SLC25A31: variants seen among roughly 807,000 people sequenced by gnomAD.
The protein encoded by SLC25A31 is ADP/ATP translocase 4.
SLC25A31 carries 40 observed loss-of-function variants against 36.2 expected under a neutral mutation model. That is an observed-to-expected ratio of 1.10 (90% CI 0.86 to 1.44). The LOEUF (loss-of-function observed/expected upper bound fraction) is 1.44, where lower values mean the gene tolerates loss of function less well. Ranked by LOEUF, SLC25A31 falls within the 40% of genes most tolerant of loss-of-function variation. The pLI, the probability that SLC25A31 is intolerant of heterozygous loss-of-function variation, is 0.00. For missense variants in SLC25A31, 350 were observed against 397.1 expected (o/e 0.88, Z 1.01); for synonymous variants, 143 against 149.7 (o/e 0.96, Z 0.32).
At chr4:127,767,450 T>G (rs570976236) in intron 4 of SLC25A31, among the ~76,000 whole-genome samples, 54 of 152,316 alleles carry the variant, frequency 3.5e-4, no homozygotes, top group African/African-American at 1.2e-3. Context: ...TTTTGAGGTG[T>G]TTTCACTGTA....
chr4:127,748,563 A>T (rs1043272934), intron 2 of SLC25A31, among the ~76,000 whole-genome samples: 1 of 152,192 alleles, frequency 6.6e-6, no homozygotes, highest in Non-Finnish European at 1.5e-5. Context: ...GCAGGCCCTC[A>T]TCCTGGCACC....
chr4:127,768,672 T>C (rs1732292163), intron 4 of SLC25A31, 80 bp from the exon 5 acceptor site: 1 of 1,241,116 alleles, frequency 8.1e-7, no homozygotes, highest in Non-Finnish European at 1.1e-6. Flanking sequence ...TTCATATATT[T>C]ATAAAAATTA....
At position 127,767,085 on chromosome 4, in the gene SLC25A31, C is replaced by T; in HGVS notation, c.498C>T (p.Phe166=). The T allele has an allele frequency of 6.2e-6, 10 of 1,610,500 alleles. No individual in the cohort carries two copies. The highest frequency in any genetic ancestry group is 8.5e-6 in the Non-Finnish European group (10 of 1,178,710). ...DIGKGPEERQ[F]KGLGDCIMKI... is the part of the protein sequence containing the mutation. ...TTTTAGGTCCTGAGGAGCGACAATT[C>T]AAGGGTTTAGGTGACTGTATTATGA... Residue 166 remains phenylalanine (F), a synonymous_variant, in exon 4 of 6, where the codon TTC becomes TTT. Coordinates refer to ENST00000281154, the MANE Select transcript of SLC25A31 (RefSeq NM_031291.4).
chr4:127,744,378 A>G (rs1006468981), intron 1 of SLC25A31, among the ~76,000 whole-genome samples: 3 of 152,210 alleles, frequency 2.0e-5, no homozygotes, highest in Non-Finnish European at 4.4e-5. Flanking sequence ...CCTCTGAGAA[A>G]TACAACTGAG....
intron 2 of SLC25A31, among the ~76,000 whole-genome samples, chr4:127,747,509 G>A (rs1486601112): frequency 6.6e-6 from 1 of 152,144 alleles, no homozygotes. Flanking sequence ...TCACTTCCCT[G>A]ATTAGCTGTA....
intron 1 of SLC25A31, among the ~76,000 whole-genome samples, chr4:127,731,565 C>T (rs560639185): frequency 6.6e-6 from 1 of 152,098 alleles, no homozygotes; most frequent in African/African-American, 2.4e-5. Context: ...AAAAATTAGC[C>T]GGGCGTGGTG....
chr4:127,730,483 C>T lies in SLC25A31; in HGVS notation c.-63C>T. On this transcript the variant is annotated 5_prime_UTR_variant, in exon 1 of 6. Coordinates refer to ENST00000281154, the MANE Select transcript of SLC25A31 (RefSeq NM_031291.4). The stretch of plus-strand genomic sequence containing the variant: ...AGCGGTTTTCCGGTTTTCCGCTTCC[C>T]TTCATCGTAGCTCCCGTACTCATTT... 4 of 1,536,406 alleles carry T rather than the reference C, an allele frequency of 2.6e-6. No homozygotes were observed. Among genetic ancestry groups the T allele is most frequent in the Non-Finnish European group, 3.6e-6 (4 of 1,118,440 alleles).
At chr4:127,732,021 G>A (rs1731536555) in intron 1 of SLC25A31, among the ~76,000 whole-genome samples, 1 of 152,056 alleles carries the variant, frequency 6.6e-6, no homozygotes, top group South Asian at 2.1e-4. Context: ...AAGAAATAAC[G>A]AAAGTGCTTT....
chr4:127,735,754 G>T (rs1280239232), intron 1 of SLC25A31, among the ~76,000 whole-genome samples: 4 of 139,054 alleles, frequency 2.9e-5, no homozygotes, highest in African/African-American at 8.0e-5. Flanking sequence ...AAGTCATGCA[G>T]ACTTTTTTTT....
At chr4:127,766,638 T>G (rs1732250696) in intron 3 of SLC25A31, among the ~76,000 whole-genome samples, 1 of 152,036 alleles carries the variant, frequency 6.6e-6, no homozygotes, top group African/African-American at 2.4e-5. Flanking sequence ...ATTTTTTTTA[T>G]TTTTTGTAGT....
intron 5 of SLC25A31, among the ~76,000 whole-genome samples, chr4:127,772,863 C>CT (rs1446148426): frequency 1.3e-5 from 2 of 150,020 alleles, no homozygotes; most frequent in Middle Eastern, 3.5e-3. Flanking sequence ...CTCACTGCAA[C>CT]TTTGACCTCC....
intron 2 of SLC25A31, among the ~76,000 whole-genome samples, chr4:127,745,681 G>A (rs1270147294): frequency 6.6e-6 from 1 of 152,000 alleles, no homozygotes; most frequent in East Asian, 1.9e-4. Context: ...TGAATGTTTT[G>A]CCCTGTACTT....
In SLC25A31 at chr4:127,756,924, G is replaced by C. The variant is rs149046020; in HGVS notation, c.361-7319G>C. Among the ~76,000 whole-genome samples the C allele has an allele frequency of 3.0e-3, 463 of 152,242 alleles. 4 individuals carry two copies. Among genetic ancestry groups the C allele is most frequent in the African/African-American group, 0.011 (447 of 41,528 alleles). On this transcript the variant is annotated intron_variant, in intron 2 of 5. Transcript: ENST00000281154. ...ATGGCGATTTCTTAGAAACTAACAT[G>C]CACCCACCGTATGATGCATGTTTAC...
At chr4:127,753,303 A>T (rs547875077) in intron 2 of SLC25A31, among the ~76,000 whole-genome samples, 7 of 151,838 alleles carry the variant, frequency 4.6e-5, no homozygotes, top group African/African-American at 1.7e-4. Flanking sequence ...ACTAAGCCCA[A>T]ACTCAGTTGA....
chr4:127,764,613 T>C (rs1553930389), intron 3 of SLC25A31, among the ~76,000 whole-genome samples: 4 of 152,156 alleles, frequency 2.6e-5, no homozygotes, highest in Non-Finnish European at 5.9e-5. Flanking sequence ...CATTTTTTTT[T>C]CCTAGAAAGC....
chr4:127,736,473 C>T (rs549142908), intron 1 of SLC25A31, among the ~76,000 whole-genome samples: 1 of 152,260 alleles, frequency 6.6e-6, no homozygotes, highest in South Asian at 2.1e-4. Context: ...CAAAACGTTC[C>T]TGCCATTGTA....
At chr4:127,742,401 T>G (rs1326534553) in intron 1 of SLC25A31, among the ~76,000 whole-genome samples, 1 of 152,204 alleles carries the variant, frequency 6.6e-6, no homozygotes, top group Non-Finnish European at 1.5e-5. Context: ...ACTGCCTGAT[T>G]GATTACCTGT....
In SLC25A31 at chr4:127,773,461, T is replaced by C. The variant is rs1732404762; in HGVS notation, c.835T>C (p.Ser279Pro). The change falls in exon 6 of 6, where the codon TCC (serine) becomes CCC (proline). Residue 279 changes from serine to proline, a missense_variant. By Grantham distance (74) the Ser-to-Pro change is moderately conservative (BLOSUM62 -1). Coordinates refer to ENST00000281154, the MANE Select transcript of SLC25A31 (RefSeq NM_031291.4). ...VKIYQHEGIS[S>P]FFRGAFSNVL... ...GATATACCAACATGAAGGAATCAGT[T>C]CCTTTTTTCGTGGCGCCTTCTCCAA... 2 of 1,614,154 alleles carry C rather than the reference T, an allele frequency of 1.2e-6. No homozygotes were observed. Among genetic ancestry groups the C allele is most frequent in the East Asian group, 4.5e-5 (2 of 44,882 alleles).
chr4:127,740,854 C>T (rs1021784401), intron 1 of SLC25A31, among the ~76,000 whole-genome samples: 2 of 152,176 alleles, frequency 1.3e-5, no homozygotes, highest in African/African-American at 4.8e-5. Flanking sequence ...AATCTCTGCA[C>T]AGAAAGGGTA....
Sources: gnomAD v4.1 joint callset for allele counts (sites outside exome capture counted in the v4.1 genomes callset) on GRCh38, gnomAD v4.1.1 for gene constraint, MANE v1.5 for transcripts, NCBI Gene and HGNC (gene_info 2026-07-23, HGNC 2026-07-21) for gene names.